MLLT10: variants seen among roughly 807,000 people sequenced by gnomAD.
MLLT10 encodes the protein MLLT10 histone lysine methyltransferase DOT1L cofactor.
A neutral mutation model predicts 129.1 loss-of-function variants in MLLT10; 30 were observed. The ratio of observed to expected loss-of-function variants is 0.23; its 90% CI spans 0.17 to 0.32. The LOEUF (loss-of-function observed/expected upper bound fraction) is 0.32, where lower values mean the gene tolerates loss of function less well. Ranked by LOEUF, MLLT10 falls within the 10% of genes least tolerant of loss-of-function variation. The probability of loss-of-function intolerance (pLI) is 1.00; values close to 1 mark genes in which losing one functional copy is unlikely to be tolerated. For missense variants in MLLT10, 1,119 were observed against 1,268.3 expected (o/e 0.88, Z 1.79); for synonymous variants, 490 against 446.4 (o/e 1.10, Z -1.23).
chr10:21,648,323 G>T (rs998955587), intron 8 of MLLT10, among the ~76,000 whole-genome samples: 1 of 152,126 alleles, frequency 6.6e-6, no homozygotes. Flanking sequence ...GTATCACAGA[G>T]GACCAGAGTT....
intron 3 of MLLT10, among the ~76,000 whole-genome samples, chr10:21,549,589 A>T (rs947383329): frequency 6.6e-6 from 1 of 152,062 alleles, no homozygotes; most frequent in African/African-American, 2.4e-5. Context: ...TTGTGACTAC[A>T]AAAGAAGTCC....
intron 3 of MLLT10, among the ~76,000 whole-genome samples, chr10:21,582,103 A>T (rs979590750): frequency 1.3e-5 from 2 of 151,112 alleles, no homozygotes; most frequent in Non-Finnish European, 3.0e-5. Context: ...CTTATAGTAC[A>T]TTGTTATTTT....
intron 11 of MLLT10, among the ~76,000 whole-genome samples, chr10:21,676,904 C>CGT (rs982315944): frequency 6.6e-6 from 1 of 151,950 alleles, no homozygotes; most frequent in African/African-American, 2.4e-5. Context: ...TAGTAAAAAG[C>CGT]GTATCCTTAT....
intron 9 of MLLT10, among the ~76,000 whole-genome samples, chr10:21,655,094 T>A (rs1327630575): frequency 1.3e-5 from 2 of 152,048 alleles, no homozygotes; most frequent in Non-Finnish European, 2.9e-5. Flanking sequence ...GGGTTTGAGA[T>A]TATTTAATCA....
Position 21,727,920 on chromosome 10 carries a change from C to T in MLLT10, c.2055C>T (p.Leu685=). Residue 685 remains leucine (L), a synonymous_variant, in exon 16 of 23, where the codon CTC becomes CTT. Transcript: ENST00000307729. ...VGRGSSPRGS[L]SPRSPVSSLQ... ...GAGGAAGCTCACCCCGAGGAAGTCT[C>T]TCGCCACGGTAAGCGCTATTTACAC... 2 of 1,613,946 alleles carry T rather than the reference C, an allele frequency of 1.2e-6. No homozygotes were observed. Among genetic ancestry groups the T allele is most frequent in the African/African-American group, 1.3e-5 (1 of 75,020 alleles).
intron 17 of MLLT10, 64 bp from the exon 18 acceptor site, chr10:21,732,835 G>A: frequency 7.4e-7 from 1 of 1,349,178 alleles, no homozygotes; most frequent in Non-Finnish European, 1.0e-6. Flanking sequence ...TACCGGCACT[G>A]CGTAAAATAC....
chr10:21,573,725 C>G (rs1007484603), intron 3 of MLLT10, among the ~76,000 whole-genome samples: 1 of 152,042 alleles, frequency 6.6e-6, no homozygotes, highest in Non-Finnish European at 1.5e-5. Flanking sequence ...TGCCACCATG[C>G]CCGGCTAATT....
intron 21 of MLLT10, among the ~76,000 whole-genome samples, chr10:21,739,550 T>C (rs140789143): frequency 1.1e-3 from 167 of 152,332 alleles, no homozygotes; most frequent in Admixed American, 2.0e-3. Flanking sequence ...CTCAATGTGT[T>C]TCAAGCACCA....
intron 9 of MLLT10, among the ~76,000 whole-genome samples, chr10:21,662,061 T>C (rs1187270183): frequency 6.6e-6 from 1 of 152,206 alleles, no homozygotes; most frequent in East Asian, 1.9e-4. Context: ...CACTGTCTGC[T>C]TGATTGCATG....
At chr10:21,562,021 G>A (rs766659048) in intron 3 of MLLT10, among the ~76,000 whole-genome samples, 17 of 151,872 alleles carry the variant, frequency 1.1e-4, no homozygotes, top group Non-Finnish European at 1.3e-4. Context: ...GGTCAGACTG[G>A]TCTCAAACTC....
intron 8 of MLLT10, among the ~76,000 whole-genome samples, chr10:21,645,939 T>C (rs546564581): frequency 1.5e-3 from 226 of 152,322 alleles, no homozygotes; most frequent in African/African-American, 5.1e-3. Context: ...GTGTGGTGGC[T>C]CACACCTGTA....
chr10:21,680,284 C>T (rs921651196), intron 11 of MLLT10, among the ~76,000 whole-genome samples: 1 of 151,820 alleles, frequency 6.6e-6, no homozygotes, highest in Non-Finnish European at 1.5e-5. Flanking sequence ...AATCTCGGCT[C>T]ACTGAAACCA....
intron 4 of MLLT10, among the ~76,000 whole-genome samples, chr10:21,592,106 A>G (rs113154229): frequency 2.0e-5 from 3 of 152,326 alleles, no homozygotes; most frequent in Admixed American, 6.5e-5. Flanking sequence ...TTATAGTTTT[A>G]TAGGAAAGCT....
rs756289217 is a variant in MLLT10 at position 21,594,765 on chromosome 10, C to T, written c.296-566C>T. On this transcript the variant is annotated intron_variant, in intron 4 of 22. Coordinates refer to ENST00000307729, the MANE Select transcript of MLLT10 (RefSeq NM_001195626.3). ...AGGAGAATTGCTTGAACCTGGGAGG[C>T]GGAGGTTGCGGTGAGCCGAGATCGC... Among the ~76,000 whole-genome samples the T allele has an allele frequency of 1.0e-3, 155 of 149,598 alleles. 1 individual carries two copies. The highest frequency in any genetic ancestry group is 1.8e-3 in the Non-Finnish European group (124 of 67,654).
rs1393988070 is a variant in MLLT10 at position 21,556,741 on chromosome 10, G to T, written c.240+17829G>T. 3 of 1,610,848 alleles carry T rather than the reference G, an allele frequency of 1.9e-6. No homozygotes were observed. The African/African-American group carries it at 4.0e-5, about 22-fold the overall frequency. On this transcript the variant is annotated intron_variant, in intron 3 of 22. Transcript: ENST00000307729. ...GTGCATCTCCCCACCCCCGATGCCT[G>T]GTGTCTAACGTTCCTCCAGTTTCTG...
chr10:21,653,994 A>T, intron 9 of MLLT10, among the ~76,000 whole-genome samples: 1 of 152,206 alleles, frequency 6.6e-6, no homozygotes, highest in East Asian at 1.9e-4. Context: ...GAGACTGAGA[A>T]GAGGCTAGAG....
At chr10:21,625,451 A>G (rs1014258333) in intron 8 of MLLT10, 1 of 967,246 alleles carries the variant, frequency 1.0e-6, no homozygotes, top group Non-Finnish European at 1.7e-6. Flanking sequence ...CTTAGCCATG[A>G]CTTCTGGATA....
chr10:21,588,479 A>C (rs1475842496), intron 4 of MLLT10, among the ~76,000 whole-genome samples: 2 of 151,908 alleles, frequency 1.3e-5, no homozygotes, highest in Non-Finnish European at 2.9e-5. Context: ...TTGATGACTA[A>C]CTCTTGTATG....
chr10:21,613,345 A>G (rs1020117562), intron 6 of MLLT10, among the ~76,000 whole-genome samples: 9 of 152,306 alleles, frequency 5.9e-5, no homozygotes, highest in Non-Finnish European at 1.0e-4. Context: ...GAATCAGTCT[A>G]TGCTTCACTG....
Sources: gnomAD v4.1 joint callset for allele counts (sites outside exome capture counted in the v4.1 genomes callset) on GRCh38, gnomAD v4.1.1 for gene constraint, MANE v1.5 for transcripts, NCBI Gene and HGNC (gene_info 2026-07-23, HGNC 2026-07-21) for gene names.